Variants in DMD observed in about 807,000 individuals in gnomAD.
The protein encoded by DMD is mutant dystrophin.
A neutral mutation model predicts 330.1 loss-of-function variants in DMD; 63 were observed. The observed-to-expected ratio is 0.19, with a 90% CI of 0.16 to 0.24. The LOEUF (loss-of-function observed/expected upper bound fraction) is 0.24, where lower values mean the gene tolerates loss of function less well. Ranked by LOEUF, DMD falls within the 10% of genes least tolerant of loss-of-function variation. The pLI is 1.00. For missense variants in DMD, 3,344 were observed against 2,684.1 expected, an observed-to-expected ratio of 1.25 and a Z score of -5.43; for synonymous variants, 1,223 against 959.8, an observed-to-expected ratio of 1.27 and a Z score of -5.07.
chrX:32,844,624 A>G (rs1236454280), intron 4 of DMD, among the ~76,000 whole-genome samples, 159 bp downstream of exon 4: 2 of 111,220 alleles, frequency 1.8e-5, no homozygotes, highest in African/African-American at 6.5e-5. Context: ...ATTAGCCACA[A>G]TCAGGCATAC....
chrX:31,171,558 C>G (rs939107620), intron 73 of DMD, among the ~76,000 whole-genome samples: 1 of 111,523 alleles, frequency 9.0e-6, no homozygotes, highest in Non-Finnish European at 1.9e-5. Context: ...CTTGGCAAAT[C>G]CTTATTTTTT....
At chrX:32,046,226 G>T (rs1400736880) in intron 44 of DMD, among the ~76,000 whole-genome samples, 1 of 112,176 alleles carries the variant, frequency 8.9e-6, no homozygotes, top group Non-Finnish European at 1.9e-5. Flanking sequence ...TGTTATAGTT[G>T]TCCACATAGA....
chrX:31,925,882 A>C (rs752938643), intron 47 of DMD, among the ~76,000 whole-genome samples: 8 of 109,324 alleles, frequency 7.3e-5, no homozygotes, highest in South Asian at 4.0e-4. Context: ...AAAAAAAAAA[A>C]AAAAACAAAA....
At chrX:33,034,396 C>T (rs1337463168) in intron 1 of DMD, among the ~76,000 whole-genome samples, 2 of 111,349 alleles carry the variant, frequency 1.8e-5, no homozygotes, top group African/African-American at 6.5e-5. Context: ...TATCTGGGTT[C>T]GAAAGGTAGT....
intron 44 of DMD, among the ~76,000 whole-genome samples, chrX:32,048,178 T>A (rs192584354): frequency 2.0e-5 from 2 of 100,400 alleles, no homozygotes; most frequent in African/African-American, 7.3e-5. Flanking sequence ...CTCCTCACAA[T>A]GAACCTATTA....
At chrX:32,732,105 C>A (rs183580327) in intron 7 of DMD, among the ~76,000 whole-genome samples, 7 of 111,094 alleles carry the variant, frequency 6.3e-5, no homozygotes, top group African/African-American at 2.0e-4. Flanking sequence ...TAGAGAAGTA[C>A]GTGAAGAATG....
intron 44 of DMD, among the ~76,000 whole-genome samples, chrX:32,085,460 C>T (rs1019677135): frequency 9.3e-6 from 1 of 107,892 alleles, no homozygotes. Context: ...CTTCAGTCTC[C>T]AATGCTTATC....
intron 2 of DMD, among the ~76,000 whole-genome samples, chrX:33,013,485 T>C (rs186442874): frequency 1.3e-4 from 14 of 111,602 alleles, no homozygotes; most frequent in South Asian, 7.5e-4. Context: ...CTGTACGTCA[T>C]CTGCTCTAAT....
At chrX:32,689,493 G>A (rs6631623) in intron 9 of DMD, among the ~76,000 whole-genome samples, 11,127 of 110,965 alleles carry the variant, frequency 0.1, 1,326 homozygotes, top group African/African-American at 0.33. Flanking sequence ...ATTTTTTAAA[G>A]AAAATTAATG....
intron 1 of DMD, among the ~76,000 whole-genome samples, chrX:33,081,360 G>A (rs1217720953): frequency 9.0e-6 from 1 of 111,683 alleles, no homozygotes; most frequent in Non-Finnish European, 1.9e-5. Flanking sequence ...TGCAACCTCC[G>A]CCTCCTGGGT....
intron 44 of DMD, among the ~76,000 whole-genome samples, chrX:32,147,044 A>G (rs1390121469): frequency 1.8e-5 from 2 of 111,948 alleles, no homozygotes; most frequent in Non-Finnish European, 3.8e-5. Context: ...TAATTTTTGC[A>G]TAAACTCTAT....
chrX:32,781,236 A>C (rs1014491318), intron 7 of DMD, among the ~76,000 whole-genome samples: 8 of 111,520 alleles, frequency 7.2e-5, no homozygotes, highest in African/African-American at 2.6e-4. Flanking sequence ...ACAAGTCTAC[A>C]ACTACCTACA....
intron 50 of DMD, among the ~76,000 whole-genome samples, chrX:31,779,910 T>G (rs1009191558): frequency 2.1e-4 from 24 of 112,244 alleles, no homozygotes; most frequent in Admixed American, 5.7e-4. Flanking sequence ...GAATTGAGTT[T>G]GGCACACCAG....
intron 60 of DMD, among the ~76,000 whole-genome samples, chrX:31,365,696 C>G (rs1472897377): frequency 8.9e-6 from 1 of 112,354 alleles, no homozygotes; most frequent in African/African-American, 3.2e-5. Context: ...GCCCCTTTTA[C>G]TCCGTCTAGA....
At chrX:32,556,517 T>C (rs961450231) in intron 16 of DMD, among the ~76,000 whole-genome samples, 1 of 111,590 alleles carries the variant, frequency 9.0e-6, no homozygotes, top group Admixed American at 9.5e-5. Flanking sequence ...ATGTGTATCA[T>C]TGCAACACTA....
chrX:31,777,001 T>G (rs1209033522), intron 50 of DMD, among the ~76,000 whole-genome samples: 1 of 111,848 alleles, frequency 8.9e-6, no homozygotes, highest in African/African-American at 3.3e-5. Context: ...GGGGAAACCT[T>G]ATCAGACTTT....
chrX:33,081,009 A>ACACACACAC (rs1475097752), intron 1 of DMD, among the ~76,000 whole-genome samples: 123 of 88,074 alleles, frequency 1.4e-3, no homozygotes, highest in African/African-American at 5.6e-3. Context: ...CACACACACA[A>ACACACACAC]AAACACATGT....
intron 44 of DMD, among the ~76,000 whole-genome samples, chrX:32,124,442 T>G (rs902644067): frequency 2.7e-5 from 3 of 112,019 alleles, no homozygotes; most frequent in Non-Finnish European, 3.8e-5. Context: ...CCCAATTACT[T>G]TCTACTGTTT....
intron 61 of DMD, among the ~76,000 whole-genome samples, chrX:31,332,921 C>G (rs1218038549): frequency 8.9e-6 from 1 of 111,890 alleles, no homozygotes; most frequent in Admixed American, 9.5e-5. Flanking sequence ...TGAGGAATCC[C>G]AGGGTAACCA....
Sources: allele counts gnomAD v4.1 joint callset (sites outside exome capture counted in the v4.1 genomes callset), GRCh38; gene constraint gnomAD v4.1.1; transcripts MANE v1.5; gene names NCBI Gene and HGNC (gene_info 2026-07-23, HGNC 2026-07-21).